MRAS: variants seen among roughly 807,000 people sequenced by gnomAD.
MRAS encodes the protein ras-related protein M-Ras.
Under a neutral mutation model 20.9 loss-of-function variants are expected in MRAS, and 4 were observed. The ratio of observed to expected loss-of-function variants is 0.19; its 90% CI spans 0.09 to 0.44. MRAS has a LOEUF of 0.44. Among genes scored for constraint, MRAS ranks in the 20% least tolerant of loss-of-function variants. The pLI is 0.99. For synonymous variants in MRAS, 98 were observed against 102.9 expected, an observed-to-expected ratio of 0.95 and a Z score of 0.29; for missense variants, 154 against 277.5, an observed-to-expected ratio of 0.56 and a Z score of 3.16.
intron 1 of MRAS, among the ~76,000 whole-genome samples, chr3:138,355,088 A>T (rs76644319): frequency 6.6e-6 from 1 of 152,268 alleles, no homozygotes; most frequent in African/African-American, 2.4e-5. Flanking sequence ...CCTGGACACA[A>T]AATACATTAT....
chr3:138,351,739 A>G (rs1448998738), intron 1 of MRAS, among the ~76,000 whole-genome samples: 1 of 152,188 alleles, frequency 6.6e-6, no homozygotes, highest in African/African-American at 2.4e-5. Context: ...CACTTCCAGC[A>G]AGTTCCTGCA....
At chr3:138,355,809 T>C (rs2054319610) in intron 1 of MRAS, among the ~76,000 whole-genome samples, 2 of 152,220 alleles carry the variant, frequency 1.3e-5, no homozygotes, top group Admixed American at 1.3e-4. Context: ...TGTGTGCCTG[T>C]AGTCTGAGCT....
chr3:138,401,703 G>A lies in MRAS; in HGVS notation c.528-467G>A, dbSNP rs577898751. ...ATGTGCTGCCATCAGGTAGCCTATG[G>A]TGATGCCTTGGTTGTGAACCTATAG... On this transcript the variant is annotated intron_variant, in intron 5 of 5. Coordinates refer to ENST00000423968, the MANE Select transcript of MRAS (RefSeq NM_001085049.3). 1.4e-4 allele frequency among the ~76,000 whole-genome samples: 21 copies of A among 152,316 alleles called. No individual in the cohort carries two copies. In the South Asian group the frequency reaches 1.5e-3, roughly 11 times the overall value.
chr3:138,358,768 G>C (rs2054387027), intron 1 of MRAS, among the ~76,000 whole-genome samples: 1 of 152,260 alleles, frequency 6.6e-6, no homozygotes, highest in African/African-American at 2.4e-5. Flanking sequence ...TGTCAAGGCA[G>C]ACAGCTGGGT....
intron 1 of MRAS, among the ~76,000 whole-genome samples, chr3:138,366,449 A>G (rs1172336367): frequency 6.6e-6 from 1 of 152,246 alleles, no homozygotes; most frequent in East Asian, 1.9e-4. Context: ...ACTCTTTAAA[A>G]TAATTAGTAT....
At chr3:138,380,953 A>G (rs1321376142) in intron 2 of MRAS, among the ~76,000 whole-genome samples, 1 of 151,608 alleles carries the variant, frequency 6.6e-6, no homozygotes, top group Non-Finnish European at 1.5e-5. Flanking sequence ...TATTTTTAGT[A>G]GAGACTGGTA....
chr3:138,360,007 G>A (rs2054411881), intron 1 of MRAS, among the ~76,000 whole-genome samples: 2 of 152,214 alleles, frequency 1.3e-5, no homozygotes, highest in African/African-American at 4.8e-5. Flanking sequence ...TAGACTATCT[G>A]GCAAGCTCAT....
Position 138,372,925 on chromosome 3 carries a change from C to T in MRAS, c.42C>T (p.Tyr14=), listed in dbSNP as rs746403874. 2 of 1,553,116 alleles carry T rather than the reference C, an allele frequency of 1.3e-6. No homozygotes were observed. The highest frequency in any genetic ancestry group is 2.6e-5 in the East Asian group (1 of 39,032). ...TCCCCAGTGACAACCTCCCCACATA[C>T]AAGCTGGTGGTGGTGGGGGATGGGG... ...SAVPSDNLPT[Y]KLVVVGDGGV... is the part of the protein sequence containing the mutation. The change falls in exon 2 of 6, where the codon TAC becomes TAT. Residue 14 remains tyrosine, a synonymous_variant. Coordinates refer to ENST00000423968, the MANE Select transcript of MRAS (RefSeq NM_001085049.3).
At position 138,404,181 on chromosome 3, in the gene MRAS, T is replaced by G. The variant is rs2055413618; in HGVS notation, c.*1912T>G. 6.6e-6 allele frequency: 1 copy of G among 152,264 alleles called. No homozygotes were observed. Among genetic ancestry groups the G allele is most frequent in the Non-Finnish European group, 1.5e-5 (1 of 68,094 alleles). The allele number at this position is 152,264 out of a possible 1,614,324, so 9.4% of individuals were successfully genotyped here. On this transcript the variant is annotated 3_prime_UTR_variant, in exon 6 of 6. Transcript: ENST00000423968. The stretch of plus-strand genomic sequence containing the variant: ...AATCCTTATGCTTCCCTAAGTGGTA[T>G]CTGCAGCAGTTTGTTGTGTGCAGTT...
intron 2 of MRAS, among the ~76,000 whole-genome samples, chr3:138,390,596 C>T (rs1037622559): frequency 6.6e-6 from 1 of 152,212 alleles, no homozygotes; most frequent in African/African-American, 2.4e-5. Context: ...TGCCCATTAT[C>T]TTCAGCCTCC....
rs537283723 is a variant in MRAS at position 138,399,917 on chromosome 3, G to A, written c.448-617G>A. 6.2e-4 allele frequency among the ~76,000 whole-genome samples: 95 copies of A among 152,330 alleles called. 1 individual carries two copies. The highest frequency in any genetic ancestry group is 2.7e-3 in the Admixed American group (41 of 15,304). ...CCTGCTCTGTGGGGCCACCACAGTC[G>A]TATCTCCCGCTGTCTGCACCCTTTC... is the stretch of plus-strand genomic sequence containing the variant. On this transcript the variant is annotated intron_variant, in intron 4 of 5. Transcript: ENST00000423968.
intron 2 of MRAS, among the ~76,000 whole-genome samples, chr3:138,386,671 AG>A (rs1207429620): frequency 3.3e-5 from 5 of 152,082 alleles, no homozygotes; most frequent in African/African-American, 1.2e-4. Context: ...TTTAGTAGCG[AG>A]GGGGTTTCAC....
chr3:138,394,235 T>C (rs561840016), intron 2 of MRAS, among the ~76,000 whole-genome samples: 1 of 152,236 alleles, frequency 6.6e-6, no homozygotes, highest in East Asian at 1.9e-4. Context: ...CCAGATGAAA[T>C]AGTTCTAGGA....
chr3:138,367,723 C>G (rs1481790814), intron 1 of MRAS, among the ~76,000 whole-genome samples: 2 of 152,148 alleles, frequency 1.3e-5, no homozygotes, highest in Non-Finnish European at 2.9e-5. Flanking sequence ...TGCCTGGCCC[C>G]GTGAGAGGCA....
chr3:138,359,167 G>A (rs1221354759), intron 1 of MRAS, among the ~76,000 whole-genome samples: 1 of 152,162 alleles, frequency 6.6e-6, no homozygotes, highest in Non-Finnish European at 1.5e-5. Flanking sequence ...AAAAAATGCA[G>A]CAGTCATTTA....
rs772940935 is a variant in MRAS, at chr3:138,373,030, C to T, written c.147C>T (p.Ser49=). 1.3e-6 allele frequency: 2 copies of T among 1,531,598 alleles called. No homozygotes were observed. Among genetic ancestry groups the T allele is most frequent in the Non-Finnish European group, 1.7e-6 (2 of 1,142,950 alleles). The allele number at this position is 1,531,598 out of a possible 1,614,324, so 94.9% of individuals were successfully genotyped here. Residue 49 remains serine (S), a synonymous_variant, in exon 2 of 6, where the codon TCC becomes TCT. Transcript: ENST00000423968. ...ACTATGACCCCACCATTGAAGACTC[C>T]TACCTGAAACATACGGAGATTGACA... ...VPDYDPTIED[S]YLKHTEIDNQ... is the part of the protein sequence containing the mutation.
At chr3:138,358,289 A>G (rs1291768666) in intron 1 of MRAS, among the ~76,000 whole-genome samples, 1 of 151,752 alleles carries the variant, frequency 6.6e-6, no homozygotes, top group Non-Finnish European at 1.5e-5. Context: ...CTGAGCCAAG[A>G]TTGTGCCATT....
chr3:138,354,958 T>A (rs757883680), intron 1 of MRAS, among the ~76,000 whole-genome samples: 12 of 151,938 alleles, frequency 7.9e-5, no homozygotes, highest in African/African-American at 2.2e-4. Flanking sequence ...TTTAAAAAAA[T>A]TTTTTTTGTA....
intron 2 of MRAS, among the ~76,000 whole-genome samples, chr3:138,391,181 T>C (rs1196445141): frequency 6.6e-6 from 1 of 152,210 alleles, no homozygotes; most frequent in East Asian, 1.9e-4. Flanking sequence ...TATTTTCCCT[T>C]TTCTAGCCTC....
Sources: gnomAD v4.1 joint callset for allele counts (sites outside exome capture counted in the v4.1 genomes callset) on GRCh38, gnomAD v4.1.1 for gene constraint, MANE v1.5 for transcripts, NCBI Gene and HGNC (gene_info 2026-07-23, HGNC 2026-07-21) for gene names.